Variants in ASTN2 observed in about 807,000 individuals in gnomAD.
ASTN2 encodes astrotactin 2.
A neutral mutation model predicts 139.8 loss-of-function variants in ASTN2; 54 were observed. The ratio of observed to expected loss-of-function variants is 0.39; its 90% CI spans 0.31 to 0.48. The LOEUF is 0.48. Among genes scored for constraint, ASTN2 ranks in the 20% least tolerant of loss-of-function variants. ASTN2 has a pLI of 0.95. For missense variants in ASTN2, 1,565 were observed against 1,725.1 expected (o/e 0.91, Z 1.64); for synonymous variants, 756 against 719.5 (o/e 1.05, Z -0.81).
intron 6 of ASTN2, among the ~76,000 whole-genome samples, chr9:117,024,354 A>T (rs1277686364): frequency 6.6e-6 from 1 of 152,168 alleles, no homozygotes; most frequent in Non-Finnish European, 1.5e-5. Context: ...GCAACCAATA[A>T]TTCAATAACA....
In ASTN2 at chr9:116,725,844, G is replaced by T. The variant is rs976076121; in HGVS notation, c.2733C>A (p.Gly911=). The T allele has an allele frequency of 4.6e-5, 75 of 1,613,918 alleles. No individual in the cohort carries two copies. The highest frequency in any genetic ancestry group is 6.3e-5 in the Non-Finnish European group (74 of 1,180,034). The change falls in exon 16 of 23, where the codon GGC becomes GGA. Residue 911 remains glycine, a synonymous_variant. Coordinates refer to ENST00000313400, the MANE Select transcript of ASTN2 (RefSeq NM_001365068.1). ...GSHYIAEALY[G]SELTCIIHFP... ...AGTGGATGATGCAGGTGAGCTCTGAGCCATAGAGGGCCTCTGCGATGTAGT... is the reference window on the plus strand; with the variant it reads ...AGTGGATGATGCAGGTGAGCTCTGATCCATAGAGGGCCTCTGCGATGTAGT...
intron 10 of ASTN2, among the ~76,000 whole-genome samples, chr9:116,951,853 T>C (rs778049616): frequency 9.9e-5 from 15 of 152,214 alleles, no homozygotes; most frequent in South Asian, 2.1e-4. Flanking sequence ...AAAGACAAAA[T>C]ATTTTGAAAC....
At chr9:116,606,028 G>A (rs141592742) in intron 19 of ASTN2, among the ~76,000 whole-genome samples, 1 of 152,222 alleles carries the variant, frequency 6.6e-6, no homozygotes, top group East Asian at 1.9e-4. Flanking sequence ...AAATCTGCCT[G>A]TGCCTCGGCC....
At chr9:116,870,145 A>C (rs1193846860) in intron 10 of ASTN2, among the ~76,000 whole-genome samples, 1 of 152,144 alleles carries the variant, frequency 6.6e-6, no homozygotes, top group African/African-American at 2.4e-5. Context: ...ATAAAAAATA[A>C]AAAATACTGT....
At chr9:116,518,966 T>C (rs1203337568) in intron 19 of ASTN2, among the ~76,000 whole-genome samples, 1 of 152,056 alleles carries the variant, frequency 6.6e-6, no homozygotes, top group Non-Finnish European at 1.5e-5. Context: ...CACTTATAAA[T>C]ATATATGCAC....
intron 5 of ASTN2, among the ~76,000 whole-genome samples, chr9:117,061,515 T>A (rs965878228): frequency 1.2e-4 from 18 of 152,308 alleles, no homozygotes; most frequent in African/African-American, 3.4e-4. Flanking sequence ...AGGACTCCTG[T>A]CTGTTTCCAG....
chr9:117,147,427 C>T (rs1300279671), intron 3 of ASTN2, among the ~76,000 whole-genome samples: 2 of 125,268 alleles, frequency 1.6e-5, no homozygotes, highest in Admixed American at 9.4e-5. Flanking sequence ...AAGAGTGAGA[C>T]TCTGACTCAA....
intron 22 of ASTN2, chr9:116,437,569 G>A (rs1391233969): frequency 6.4e-6 from 3 of 471,010 alleles, no homozygotes; most frequent in Non-Finnish European, 1.3e-5. Context: ...ATGTCCTGGA[G>A]GCTCATAAAG....
chr9:117,106,808 A>G (rs1339964328), intron 4 of ASTN2, among the ~76,000 whole-genome samples: 1 of 152,116 alleles, frequency 6.6e-6, no homozygotes. Flanking sequence ...CTATCTATCT[A>G]TCTATATACC....
intron 12 of ASTN2, among the ~76,000 whole-genome samples, chr9:116,810,886 T>A (rs1831147109): frequency 6.6e-6 from 1 of 152,178 alleles, no homozygotes; most frequent in Admixed American, 6.5e-5. Context: ...TATCTGCCTA[T>A]TTAGATTTTC....
chr9:117,236,848 T>C (rs1234529028), intron 2 of ASTN2, among the ~76,000 whole-genome samples: 1 of 152,218 alleles, frequency 6.6e-6, no homozygotes, highest in Non-Finnish European at 1.5e-5. Flanking sequence ...TGTCAAGTCC[T>C]AGTTATAGCG....
intron 4 of ASTN2, among the ~76,000 whole-genome samples, chr9:117,106,011 C>G (rs1357016253): frequency 6.6e-6 from 1 of 152,070 alleles, no homozygotes; most frequent in Non-Finnish European, 1.5e-5. Context: ...AATATAGAAC[C>G]AATTCTGGAA....
intron 10 of ASTN2, among the ~76,000 whole-genome samples, chr9:116,968,673 C>A (rs997006615): frequency 2.0e-5 from 3 of 151,996 alleles, no homozygotes; most frequent in African/African-American, 7.2e-5. Flanking sequence ...CCGAGGTGGG[C>A]AGATCACTTG....
At chr9:116,632,623 A>C (rs759753170) in intron 17 of ASTN2, among the ~76,000 whole-genome samples, 19 of 152,184 alleles carry the variant, frequency 1.2e-4, no homozygotes, top group Non-Finnish European at 2.1e-4. Context: ...TTTGTCATGG[A>C]CCAGGGAGGC....
intron 16 of ASTN2, among the ~76,000 whole-genome samples, chr9:116,660,271 C>T (rs560871708): frequency 6.6e-6 from 1 of 151,684 alleles, no homozygotes; most frequent in South Asian, 2.1e-4. Context: ...TATAAAACTG[C>T]CAAACCCTAG....
chr9:116,519,184 C>A (rs917669754), intron 19 of ASTN2, among the ~76,000 whole-genome samples: 2 of 152,044 alleles, frequency 1.3e-5, no homozygotes, highest in Non-Finnish European at 2.9e-5. Flanking sequence ...GAACATTCTA[C>A]TGAATAACTG....
chr9:117,262,733 C>A (rs1449004664), intron 2 of ASTN2, among the ~76,000 whole-genome samples: 1 of 152,130 alleles, frequency 6.6e-6, no homozygotes, highest in Non-Finnish European at 1.5e-5. Flanking sequence ...ATTCAAGTTG[C>A]AAATCAGCTG....
At position 116,620,361 on chromosome 9, in the gene ASTN2, C is replaced by T. The variant is rs1856072295; in HGVS notation, c.3155G>A (p.Ser1052Asn). ...VIDDWCRCDL[S>N]AFDANGLPNC... ...GGGGAGCCCATTGGCATCAAAGGCG[C>T]TGAGGTCACACCTGCACCAGTCATC... is the stretch of plus-strand genomic sequence containing the variant. Residue 1052 changes from serine (S) to asparagine (N), a missense_variant, in exon 18 of 23, where the codon AGC becomes AAC. Transcript: ENST00000313400. 1.2e-6 allele frequency: 2 copies of T among 1,614,172 alleles called. No homozygotes were observed. Among genetic ancestry groups the T allele is most frequent in the Non-Finnish European group, 8.5e-7 (1 of 1,180,028 alleles).
chr9:117,016,945 A>C (rs1000711955), intron 6 of ASTN2, among the ~76,000 whole-genome samples: 3 of 151,424 alleles, frequency 2.0e-5, no homozygotes, highest in Non-Finnish European at 4.4e-5. Flanking sequence ...TGTCTTCCCT[A>C]CCTCAGACTT....
Sources: allele counts gnomAD v4.1 joint callset (sites outside exome capture counted in the v4.1 genomes callset), GRCh38; gene constraint gnomAD v4.1.1; transcripts MANE v1.5; gene names NCBI Gene and HGNC (gene_info 2026-07-23, HGNC 2026-07-21).